ASCC3: variants seen among roughly 807,000 people sequenced by gnomAD.
ASCC3 encodes the protein ASC-1 complex subunit P200.
ASCC3 carries 158 observed loss-of-function variants against 256.3 expected under a neutral mutation model. That is an observed-to-expected ratio of 0.62 (90% CI 0.54 to 0.70). The LOEUF (loss-of-function observed/expected upper bound fraction) is 0.70. Among genes scored for constraint, ASCC3 ranks in the 30% least tolerant of loss-of-function variants. The pLI is 0.00. For missense variants in ASCC3, 2,259 were observed against 2,626.0 expected (o/e 0.86, Z 3.05); for synonymous variants, 948 against 883.4 (o/e 1.07, Z -1.30).
chr6:100,745,339 T>C (rs1780612638), intron 10 of ASCC3, among the ~76,000 whole-genome samples: 2 of 148,400 alleles, frequency 1.3e-5, no homozygotes, highest in South Asian at 2.1e-4. Flanking sequence ...AAAAAAAAAA[T>C]TAGCCAGGCA....
intron 4 of ASCC3, among the ~76,000 whole-genome samples, chr6:100,839,373 C>T (rs1772032137): frequency 1.3e-5 from 2 of 152,084 alleles, no homozygotes; most frequent in African/African-American, 4.8e-5. Context: ...TGAAATTTGT[C>T]AAACTTGTCT....
In ASCC3 at chr6:100,725,497, A is replaced by G. The variant is rs78323702; in HGVS notation, c.1902+42T>C. On this transcript the variant is annotated intron_variant, in intron 11 of 41. Transcript: ENST00000369162. ...TGCTACATTTTAAGTTGAAAAACAT[A>G]TTTATCCCTTCAAAATAAGCTTATA... 2.6e-4 allele frequency: 408 copies of G among 1,595,984 alleles called. 2 individuals are homozygous for G. In the East Asian group the frequency reaches 8.9e-3, roughly 35 times the overall value.
intron 34 of ASCC3, among the ~76,000 whole-genome samples, chr6:100,599,066 A>T (rs1334919891): frequency 6.6e-6 from 1 of 152,198 alleles, no homozygotes; most frequent in East Asian, 1.9e-4. Flanking sequence ...TGGACATGTT[A>T]AAGTGAAATG....
At chr6:100,871,188 C>T (rs1324118959) in intron 1 of ASCC3, among the ~76,000 whole-genome samples, 1 of 151,898 alleles carries the variant, frequency 6.6e-6, no homozygotes, top group African/African-American at 2.4e-5. Context: ...CTCCACCTCC[C>T]AGATTCAAGC....
intron 4 of ASCC3, among the ~76,000 whole-genome samples, chr6:100,840,798 GT>G (rs1366768927): frequency 6.6e-6 from 1 of 151,840 alleles, no homozygotes; most frequent in East Asian, 1.9e-4. Context: ...ATAATGGTGG[GT>G]TCACAGATGA....
intron 13 of ASCC3, among the ~76,000 whole-genome samples, chr6:100,712,816 G>A (rs991289587): frequency 1.6e-5 from 2 of 126,826 alleles, no homozygotes; most frequent in African/African-American, 3.0e-5. Context: ...GGAGCACAGT[G>A]ACACCATCTC....
intron 8 of ASCC3, among the ~76,000 whole-genome samples, chr6:100,778,946 T>A (rs560661908): frequency 6.6e-5 from 10 of 152,224 alleles, no homozygotes; most frequent in African/African-American, 9.6e-5. Context: ...ATTCATATGA[T>A]TACTTGGGCA....
At chr6:100,613,958 T>C (rs1773535574) in intron 30 of ASCC3, among the ~76,000 whole-genome samples, 1 of 152,174 alleles carries the variant, frequency 6.6e-6, no homozygotes, top group Non-Finnish European at 1.5e-5. Context: ...ATGTCTTCTT[T>C]TGAAAAATGT....
intron 30 of ASCC3, among the ~76,000 whole-genome samples, chr6:100,613,471 G>T (rs927688920): frequency 2.6e-5 from 4 of 151,986 alleles, no homozygotes; most frequent in East Asian, 1.9e-4. Context: ...TGATGCAAAA[G>T]ACATGATTTC....
chr6:100,623,024 G>A (rs926705231), intron 30 of ASCC3, among the ~76,000 whole-genome samples: 1 of 152,062 alleles, frequency 6.6e-6, no homozygotes, highest in Non-Finnish European at 1.5e-5. Flanking sequence ...AAAGAAAAGT[G>A]TCCATTTGGA....
intron 8 of ASCC3, among the ~76,000 whole-genome samples, chr6:100,780,480 C>T (rs1782389778): frequency 1.3e-5 from 2 of 152,070 alleles, no homozygotes; most frequent in African/African-American, 2.4e-5. Flanking sequence ...TGACTCATGC[C>T]AGCAATCTCA....
chr6:100,646,900 C>T lies in ASCC3; in HGVS notation c.3479-131G>A. 15 of 951,460 alleles carry T rather than the reference C, an allele frequency of 1.6e-5. No individual in the cohort carries two copies. In the South Asian group the frequency reaches 2.1e-4, roughly 13 times the overall value. 58.9% of individuals were successfully genotyped at this position (951,460 alleles called of 1,614,324 possible). On this transcript the variant is annotated intron_variant, in intron 21 of 41. Transcript: ENST00000369162. ...ATGATTTGCTATGTAGAATAGCTGA[C>T]ATTCTTGACCTGGCATGTTTGAATA...
At chr6:100,608,172 T>TATG (rs1773076211) in intron 30 of ASCC3, among the ~76,000 whole-genome samples, 5 of 24,728 alleles carry the variant, frequency 2.0e-4, no homozygotes, top group Non-Finnish European at 4.8e-4. Flanking sequence ...ATATACATAT[T>TATG]TATATATGTG....
intron 11 of ASCC3, 75 bp downstream of exon 11, chr6:100,725,464 A>C: frequency 6.9e-7 from 1 of 1,452,732 alleles, no homozygotes; most frequent in Non-Finnish European, 9.6e-7. Context: ...ACAGGTCTAC[A>C]GTGAAAATGC....
chr6:100,519,231 C>G (rs1030058130), intron 37 of ASCC3, among the ~76,000 whole-genome samples: 1 of 152,026 alleles, frequency 6.6e-6, no homozygotes, highest in Non-Finnish European at 1.5e-5. Flanking sequence ...CTATGGTTTT[C>G]TTAGTATATT....
At chr6:100,757,615 A>G (rs1781240668) in intron 10 of ASCC3, among the ~76,000 whole-genome samples, 1 of 152,174 alleles carries the variant, frequency 6.6e-6, no homozygotes, top group Non-Finnish European at 1.5e-5. Context: ...ACTATCTTAT[A>G]ATTTTAAGTC....
chr6:100,728,721 CATA>C (rs1779755598), intron 10 of ASCC3, among the ~76,000 whole-genome samples: 1 of 151,970 alleles, frequency 6.6e-6, no homozygotes, highest in Non-Finnish European at 1.5e-5. Context: ...GAAAAAAATT[CATA>C]ATATTAAGTA....
At chr6:100,590,152 C>G (rs1355842104) in intron 34 of ASCC3, 93 bp from the exon 35 acceptor site, 2 of 859,120 alleles carry the variant, frequency 2.3e-6, no homozygotes, top group Non-Finnish European at 1.9e-6. Context: ...AAATATAATC[C>G]CCTTTTATTA....
At chr6:100,766,978 C>T (rs1409291857) in intron 9 of ASCC3, among the ~76,000 whole-genome samples, 167 bp downstream of exon 9, 1 of 152,056 alleles carries the variant, frequency 6.6e-6, no homozygotes, top group Non-Finnish European at 1.5e-5. Flanking sequence ...ATTTTCATAA[C>T]ACAAATAAGA....
Sources: allele counts gnomAD v4.1 joint callset (sites outside exome capture counted in the v4.1 genomes callset), GRCh38; gene constraint gnomAD v4.1.1; transcripts MANE v1.5; gene names NCBI Gene and HGNC (gene_info 2026-07-23, HGNC 2026-07-21).